The following CDH13 variants were observed in gnomAD, a reference collection of about 807,000 sequenced individuals.
The protein encoded by CDH13 is cadherin 13, also known as cadherin-13.
A neutral mutation model predicts 63.8 loss-of-function variants in CDH13; 24 were observed. The ratio of observed to expected loss-of-function variants is 0.38; its 90% CI spans 0.27 to 0.53. The LOEUF (loss-of-function observed/expected upper bound fraction) is 0.53. Ranked by LOEUF, CDH13 falls within the 20% of genes least tolerant of loss-of-function variation. CDH13 has a pLI of 0.85. For synonymous variants in CDH13, 503 were observed against 355.3 expected (o/e 1.42, Z -4.67); for missense variants, 1,049 against 903.1 (o/e 1.16, Z -2.07).
intron 7 of CDH13, among the ~76,000 whole-genome samples, chr16:83,506,828 C>G (rs4782539): frequency 0.71 from 107,974 of 152,080 alleles, 39,400 homozygotes; most frequent in East Asian, 0.89. Flanking sequence ...CTACTAATAG[C>G]CAGCATCAAT....
intron 4 of CDH13, chr16:83,181,028 A>C (rs2038334198): frequency 2.0e-6 from 3 of 1,508,400 alleles, no homozygotes; most frequent in South Asian, 1.3e-5. Flanking sequence ...TCCCACTAGC[A>C]CTCGGTATTT....
At chr16:83,672,414 T>C (rs1466271293) in intron 9 of CDH13, among the ~76,000 whole-genome samples, 2 of 96,052 alleles carry the variant, frequency 2.1e-5, no homozygotes, top group Non-Finnish European at 2.2e-5. Context: ...ATTCTCTTTT[T>C]TTTTTTTTTT....
intron 3 of CDH13, among the ~76,000 whole-genome samples, chr16:83,109,418 T>C (rs1191832053): frequency 1.3e-5 from 2 of 152,152 alleles, no homozygotes; most frequent in Non-Finnish European, 2.9e-5. Flanking sequence ...GATTTTCAGT[T>C]AAGTTTAGGA....
At chr16:83,184,809 C>T (rs530742950) in intron 4 of CDH13, among the ~76,000 whole-genome samples, 7 of 152,022 alleles carry the variant, frequency 4.6e-5, no homozygotes, top group Non-Finnish European at 7.4e-5. Context: ...GTAATAATAC[C>T]TGATGCTTTC....
chr16:83,178,922 G>A (rs750333023), intron 4 of CDH13, among the ~76,000 whole-genome samples: 6 of 152,138 alleles, frequency 3.9e-5, no homozygotes, highest in Non-Finnish European at 7.3e-5. Flanking sequence ...ACATAGAGAC[G>A]TGCAGTTAAT....
chr16:83,533,261 T>C (rs2075118901), intron 7 of CDH13, among the ~76,000 whole-genome samples: 1 of 152,200 alleles, frequency 6.6e-6, no homozygotes, highest in African/African-American at 2.4e-5. Context: ...TTGGTGTGTA[T>C]TGCACTTAAA....
At chr16:82,903,282 A>T (rs1048896530) in intron 2 of CDH13, among the ~76,000 whole-genome samples, 4 of 152,164 alleles carry the variant, frequency 2.6e-5, no homozygotes, top group African/African-American at 9.7e-5. Context: ...TTGCATGGCA[A>T]CCCTATTGAA....
At chr16:82,653,839 C>A (rs1911004280) in intron 1 of CDH13, among the ~76,000 whole-genome samples, 1 of 152,082 alleles carries the variant, frequency 6.6e-6, no homozygotes, top group South Asian at 2.1e-4. Flanking sequence ...ATGCCTTTTG[C>A]AGTAGTTCCG....
chr16:82,904,378 T>C (rs1361339872), intron 2 of CDH13, among the ~76,000 whole-genome samples: 16 of 152,128 alleles, frequency 1.1e-4, no homozygotes, highest in Admixed American at 8.5e-4. Flanking sequence ...TAAAGAGAGA[T>C]TGATATGATG....
In CDH13 at chr16:83,189,490, A is replaced by G. The variant is rs79117933; in HGVS notation, c.484-27855A>G. ...TGGAAAGTGGTACTGTGTTAGTCAG[A>G]ACACAGAGGTTGTATGTGACAGATA... is the stretch of plus-strand genomic sequence containing the variant. On this transcript the variant is annotated intron_variant, in intron 4 of 13. Coordinates refer to ENST00000567109, the MANE Select transcript of CDH13 (RefSeq NM_001257.5). 8.0e-3 allele frequency among the ~76,000 whole-genome samples: 1,219 copies of G among 152,332 alleles called. 22 individuals carry two copies. The highest frequency in any genetic ancestry group is 0.028 in the African/African-American group (1,174 of 41,570).
intron 13 of CDH13, among the ~76,000 whole-genome samples, chr16:83,793,585 T>C (rs1916413131): frequency 6.6e-6 from 1 of 152,180 alleles, no homozygotes; most frequent in Non-Finnish European, 1.5e-5. Context: ...GCTACTTTCG[T>C]GATTGGCTGA....
chr16:82,951,135 G>T (rs796355147), intron 2 of CDH13, among the ~76,000 whole-genome samples: 30 of 152,204 alleles, frequency 2.0e-4, no homozygotes, highest in African/African-American at 6.0e-4. Context: ...TTTGAGGGAT[G>T]TGCAAGTTTG....
intron 6 of CDH13, among the ~76,000 whole-genome samples, chr16:83,407,417 C>T (rs146751119): frequency 7.2e-4 from 109 of 152,240 alleles, no homozygotes; most frequent in African/African-American, 2.6e-3. Flanking sequence ...CATCTTAGCC[C>T]CTGAACTTAA....
chr16:83,364,024 A>G (rs1455330951), intron 6 of CDH13, among the ~76,000 whole-genome samples: 1 of 152,162 alleles, frequency 6.6e-6, no homozygotes. Flanking sequence ...CACCCCTCCA[A>G]TTTAGCTAGC....
chr16:82,996,591 C>A (rs1486212308), intron 2 of CDH13, among the ~76,000 whole-genome samples: 2 of 152,098 alleles, frequency 1.3e-5, no homozygotes, highest in African/African-American at 4.8e-5. Flanking sequence ...ACAAAAACGA[C>A]CTTGTTTAAG....
At chr16:83,345,767 G>C (rs2090826261) in intron 6 of CDH13, among the ~76,000 whole-genome samples, 1 of 152,038 alleles carries the variant, frequency 6.6e-6, no homozygotes, top group Admixed American at 6.6e-5. Flanking sequence ...GGCTCACTTT[G>C]ATTTTCAGCT....
At chr16:83,044,600 C>T (rs752951040) in intron 3 of CDH13, among the ~76,000 whole-genome samples, 3 of 152,216 alleles carry the variant, frequency 2.0e-5, no homozygotes, top group Non-Finnish European at 4.4e-5. Context: ...GAGAAAACGT[C>T]TTGCGTTTAT....
At chr16:83,313,543 C>G (rs931201068) in intron 5 of CDH13, among the ~76,000 whole-genome samples, 2 of 150,956 alleles carry the variant, frequency 1.3e-5, no homozygotes, top group African/African-American at 2.4e-5. Flanking sequence ...TTTAGAGGTT[C>G]TCAACCCAAA....
chr16:83,296,575 C>A (rs933554324), intron 5 of CDH13, among the ~76,000 whole-genome samples: 1 of 152,100 alleles, frequency 6.6e-6, no homozygotes, highest in East Asian at 1.9e-4. Context: ...GTAATAAAAG[C>A]ATCTGCATGT....
Sources: allele counts gnomAD v4.1 joint callset (sites outside exome capture counted in the v4.1 genomes callset), GRCh38; gene constraint gnomAD v4.1.1; transcripts MANE v1.5; gene names NCBI Gene and HGNC (gene_info 2026-07-23, HGNC 2026-07-21).